Variants in CCDC148 observed in about 807,000 individuals in gnomAD.
CCDC148 encodes the protein coiled-coil domain containing 148.
CCDC148 carries 89 observed loss-of-function variants against 85.7 expected under a neutral mutation model. The observed-to-expected ratio is 1.04, with a 90% CI of 0.87 to 1.24. The LOEUF (loss-of-function observed/expected upper bound fraction) is 1.24. Among genes scored for constraint, CCDC148 ranks in the 50% most tolerant of loss-of-function variants. The probability of loss-of-function intolerance (pLI) is 0.00; values close to 1 mark genes in which losing one functional copy is unlikely to be tolerated. For missense variants in CCDC148, 692 were observed against 671.7 expected (o/e 1.03, Z -0.33); for synonymous variants, 230 against 213.9 (o/e 1.08, Z -0.66).
chr2:158,199,235 A>C (rs930439445), intron 11 of CCDC148, among the ~76,000 whole-genome samples: 11 of 152,108 alleles, frequency 7.2e-5, no homozygotes, highest in Non-Finnish European at 1.3e-4. Flanking sequence ...GCTTTTTTAA[A>C]TTTTAATTTT....
intron 1 of CCDC148, among the ~76,000 whole-genome samples, chr2:158,450,915 C>T (rs1688380751): frequency 6.6e-6 from 1 of 152,116 alleles, no homozygotes; most frequent in African/African-American, 2.4e-5. Context: ...CTCCTTTCCT[C>T]CTGGGGCTCC....
In CCDC148 at chr2:158,196,623, G is replaced by C. The variant is rs553262739; in HGVS notation, c.1371-17627C>G. On this transcript the variant is annotated intron_variant, in intron 11 of 13. Transcript: ENST00000283233. ...TTCGATATGGTCCAACATGTCTCAA[G>C]CCAAGGCCTGTGGAAGCACAACCTA... Among the ~76,000 whole-genome samples, 35 of 152,252 alleles carry C rather than the reference G, an allele frequency of 2.3e-4. 1 individual carries two copies. Among genetic ancestry groups the C allele is most frequent in the Admixed American group, 8.5e-4 (13 of 15,276 alleles).
chr2:158,345,269 A>G lies in CCDC148; in HGVS notation c.197T>C (p.Ile66Thr), dbSNP rs749435768. Residue 66 changes from isoleucine to threonine, a missense_variant, in exon 3 of 14, where the codon ATA becomes ACA. Transcript: ENST00000283233. ...CCACCACACTTGCTTGTGTTGTTTTATTAGTGTTTGTTCTTTGGATAACTT... is the reference window on the plus strand; with the variant it reads ...CCACCACACTTGCTTGTGTTGTTTTGTTAGTGTTTGTTCTTTGGATAACTT... ...TSKLSKEQTL[I>T]KQHKQVWWQE... is the part of the protein sequence containing the mutation. 1.2e-6 allele frequency: 2 copies of G among 1,613,566 alleles called. No homozygotes were observed. The highest frequency in any genetic ancestry group is 3.3e-5 in the Admixed American group (2 of 59,956).
chr2:158,235,948 C>G (rs1020832835), intron 10 of CCDC148: 4 of 152,314 alleles, frequency 2.6e-5, no homozygotes, highest in Admixed American at 6.5e-5. Flanking sequence ...AAACCCCACA[C>G]CTCTCCCTCA....
intron 13 of CCDC148, among the ~76,000 whole-genome samples, chr2:158,172,532 GT>G (rs1315016168): frequency 6.6e-6 from 1 of 151,968 alleles, no homozygotes; most frequent in Non-Finnish European, 1.5e-5. Context: ...AAAAGATGAA[GT>G]AAAAGAAGCT....
intron 8 of CCDC148, among the ~76,000 whole-genome samples, 156 bp from the exon 9 acceptor site, chr2:158,309,795 G>T (rs11677830): frequency 0.31 from 47,320 of 152,118 alleles, 8,155 homozygotes; most frequent in Middle Eastern, 0.45. Context: ...CAGAAACCAG[G>T]TACTACCGCC....
intron 1 of CCDC148, among the ~76,000 whole-genome samples, chr2:158,387,191 T>C (rs1020805980): frequency 2.0e-5 from 3 of 152,108 alleles, no homozygotes; most frequent in African/African-American, 7.2e-5. Context: ...AAGGCAAGCT[T>C]TGGGCACTAG....
chr2:158,227,620 T>C (rs1172108494), intron 10 of CCDC148, among the ~76,000 whole-genome samples: 1 of 152,040 alleles, frequency 6.6e-6, no homozygotes, highest in African/African-American at 2.4e-5. Flanking sequence ...TATAGATCAG[T>C]GGAACAGAAC....
intron 9 of CCDC148, among the ~76,000 whole-genome samples, chr2:158,299,891 AG>A (rs759109992): frequency 6.6e-5 from 10 of 151,562 alleles, no homozygotes; most frequent in Non-Finnish European, 1.2e-4. Flanking sequence ...TTATTCAAAA[AG>A]GTATCTTCTC....
chr2:158,454,578 G>A (rs938799295), intron 1 of CCDC148, among the ~76,000 whole-genome samples: 2 of 152,244 alleles, frequency 1.3e-5, no homozygotes, highest in Admixed American at 1.3e-4. Context: ...ATTTGCAGAA[G>A]TGCAGGAAAA....
rs148270106 is a variant in CCDC148, at chr2:158,378,334, A to C, written c.26-19764T>G. Reference sequence around the variant, plus strand: ...GATTCTAGGAAGCCTAAGTGAGGTGAGGAAGCTACAGAAGAAAGTTTGAAG... The same window carrying C: ...GATTCTAGGAAGCCTAAGTGAGGTGCGGAAGCTACAGAAGAAAGTTTGAAG... On this transcript the variant is annotated intron_variant, in intron 1 of 13. Transcript: ENST00000283233. Among the ~76,000 whole-genome samples the C allele has an allele frequency of 9.6e-3, 1,462 of 152,254 alleles. 19 individuals are homozygous for C. Among genetic ancestry groups the C allele is most frequent in the African/African-American group, 0.033 (1,356 of 41,568 alleles).
At chr2:158,389,303 G>T (rs1446919264) in intron 1 of CCDC148, among the ~76,000 whole-genome samples, 3 of 152,058 alleles carry the variant, frequency 2.0e-5, no homozygotes, top group African/African-American at 4.8e-5. Flanking sequence ...CAATGAATTT[G>T]GTTTTAACCA....
intron 10 of CCDC148, among the ~76,000 whole-genome samples, chr2:158,231,438 C>G (rs190989286): frequency 1.6e-3 from 244 of 152,244 alleles, no homozygotes; most frequent in Non-Finnish European, 1.3e-3. Flanking sequence ...CATTCCTGGA[C>G]TTCTTTCATG....
At chr2:158,425,616 C>T in intron 1 of CCDC148, among the ~76,000 whole-genome samples, 1 of 152,082 alleles carries the variant, frequency 6.6e-6, no homozygotes, top group East Asian at 1.9e-4. Flanking sequence ...CACATGGCTC[C>T]ATAAAAATAT....
intron 10 of CCDC148, among the ~76,000 whole-genome samples, chr2:158,223,368 C>A (rs1006727817): frequency 6.6e-6 from 1 of 152,196 alleles, no homozygotes; most frequent in African/African-American, 2.4e-5. Context: ...GCCTGTCTGC[C>A]TGCCTCTGTA....
chr2:158,334,415 GT>G lies in CCDC148; in HGVS notation c.764+4310del, dbSNP rs749816318. Among the ~76,000 whole-genome samples, 383 of 85,850 alleles carry G rather than the reference GT, an allele frequency of 4.5e-3. 1 individual carries two copies. The highest frequency in any genetic ancestry group is 6.3e-3 in the Middle Eastern group (1 of 160). 56.3% of individuals were successfully genotyped at this position (85,850 alleles called of 152,430 possible). A position where few individuals can be genotyped will look rare whatever the true frequency, so the allele number is the denominator to read the frequency against. ...GTTGTTAGAAGCAAGTGGCAACTAT[GT>G]TTCTACATGCTAGACTGGAAACCAG... is the stretch of plus-strand genomic sequence containing the variant. On this transcript the variant is annotated intron_variant, in intron 7 of 13. Coordinates refer to ENST00000283233, the MANE Select transcript of CCDC148 (RefSeq NM_138803.4).
chr2:158,279,929 C>A (rs556115539), intron 9 of CCDC148, among the ~76,000 whole-genome samples: 3 of 151,406 alleles, frequency 2.0e-5, no homozygotes, highest in African/African-American at 4.9e-5. Flanking sequence ...GCGGATCTCT[C>A]GGCAGAAACT....
intron 7 of CCDC148, among the ~76,000 whole-genome samples, chr2:158,336,304 ACT>A (rs1214792098): frequency 6.6e-6 from 1 of 151,798 alleles, no homozygotes; most frequent in Non-Finnish European, 1.5e-5. Flanking sequence ...ATTCAAAATC[ACT>A]CTTTTACTCT....
intron 9 of CCDC148, among the ~76,000 whole-genome samples, chr2:158,303,110 A>G (rs540212266): frequency 1.3e-5 from 2 of 152,336 alleles, no homozygotes; most frequent in Admixed American, 1.3e-4. Flanking sequence ...ACATCTTAAA[A>G]GACACAAATC....
Sources: gnomAD v4.1 joint callset for allele counts (sites outside exome capture counted in the v4.1 genomes callset) on GRCh38, gnomAD v4.1.1 for gene constraint, MANE v1.5 for transcripts, NCBI Gene and HGNC (gene_info 2026-07-23, HGNC 2026-07-21) for gene names.